The following PODNL1 variants were observed in gnomAD, a reference collection of about 807,000 sequenced individuals.
PODNL1 encodes podocan like 1.
Under a neutral mutation model 45.1 loss-of-function variants are expected in PODNL1, and 50 were observed. That is an observed-to-expected ratio of 1.11 (90% CI 0.88 to 1.40). The LOEUF is 1.40. PODNL1 is among the 40% of genes most tolerant of loss of function. The pLI, the probability that PODNL1 is intolerant of heterozygous loss-of-function variation, is 0.00. For synonymous variants in PODNL1, 406 were observed against 372.5 expected, an observed-to-expected ratio of 1.09 and a Z score of -1.04; for missense variants, 788 against 793.3, an observed-to-expected ratio of 0.99 and a Z score of 0.08.
At chr19:13,936,491 C>T (rs368723860) in intron 2 of PODNL1, 31 bp from the exon 3 acceptor site, 40 of 1,552,204 alleles carry the variant, frequency 2.6e-5, no homozygotes, top group African/African-American at 1.1e-4. Context: ...TGTTCACACC[C>T]GTGACCCCGT....
At position 13,935,844 on chromosome 19, in the gene PODNL1, G is replaced by T. The variant is rs779982571; in HGVS notation, c.385-14C>A. On this transcript the variant is annotated splice_polypyrimidine_tract_variant and intron_variant, in intron 4 of 9. Transcript: ENST00000588872. ...GGCCACTGAGAGCTGTGGGGACACAGCCCACAGCCGGACTGGTCCTGGTGC... is the reference window on the plus strand; with the variant it reads ...GGCCACTGAGAGCTGTGGGGACACATCCCACAGCCGGACTGGTCCTGGTGC... The T allele has an allele frequency of 8.2e-6, 13 of 1,594,820 alleles. No homozygotes were observed. The highest frequency in any genetic ancestry group is 1.1e-5 in the Non-Finnish European group (13 of 1,170,502).
chr19:13,937,537 A>G (rs1238058077), intron 2 of PODNL1, among the ~76,000 whole-genome samples: 1 of 151,810 alleles, frequency 6.6e-6, no homozygotes, highest in East Asian at 2.0e-4. Context: ...AACCGCCAAG[A>G]TGTTGACCCT....
rs1288014545 is a variant in PODNL1 at position 13,933,005 on chromosome 19, G to A, written c.1218C>T (p.Leu406=). The A allele has an allele frequency of 4.5e-6, 7 of 1,543,536 alleles. No individual in the cohort carries two copies. Among genetic ancestry groups the A allele is most frequent in the Admixed American group, 3.9e-5 (2 of 51,498 alleles). ...AFRRLRALRS[L]DLAGNQLTRL... ...GGGTTAGCTGATTCCCTGCCAGGTC[G>A]AGGCTGCGCAGGGCACGCAACCGGC... is the stretch of plus-strand genomic sequence containing the variant. Residue 406 remains leucine, a synonymous_variant, in exon 8 of 10, where the codon CTC becomes CTT. Transcript: ENST00000588872. This position sits in a 1 kb window ranked among gnomAD's most constrained non-coding sequence, Gnocchi z 5.2.
chr19:13,939,957 C>T (rs1234358103), upstream of PODNL1: 4 of 152,114 alleles, frequency 2.6e-5, no homozygotes, highest in African/African-American at 9.7e-5. Context: ...AGGAGGAACA[C>T]TTGAGCCTCT....
chr19:13,950,959 CGTTT>C (rs1398974974), intron 1 of PODNL1, among the ~76,000 whole-genome samples: 1 of 147,694 alleles, frequency 6.8e-6, no homozygotes, highest in African/African-American at 2.5e-5. Context: ...GCAGGAGAAT[CGTTT>C]GCTTGAACCC....
At chr19:13,934,949 T>C (rs1972239223) in intron 5 of PODNL1, among the ~76,000 whole-genome samples, 1 of 151,814 alleles carries the variant, frequency 6.6e-6, no homozygotes, top group African/African-American at 2.4e-5. Flanking sequence ...ATTGTGTACA[T>C]ATGTGCATGT....
intron 1 of PODNL1, among the ~76,000 whole-genome samples, chr19:13,944,742 A>T (rs1304135824): frequency 6.6e-6 from 1 of 150,626 alleles, no homozygotes; most frequent in Non-Finnish European, 1.5e-5. Context: ...GATGTGAGCC[A>T]CTACTCCTGG....
At chr19:13,949,845 C>T (rs1288866970) in intron 1 of PODNL1, among the ~76,000 whole-genome samples, 1 of 151,498 alleles carries the variant, frequency 6.6e-6, no homozygotes, top group Non-Finnish European at 1.5e-5. Flanking sequence ...AGGTTCACGC[C>T]ACCACACTCC....
At chr19:13,936,200 A>G (rs1295899974) in intron 3 of PODNL1, among the ~76,000 whole-genome samples, 156 bp from the exon 4 acceptor site, 1 of 151,974 alleles carries the variant, frequency 6.6e-6, no homozygotes, top group African/African-American at 2.4e-5. Context: ...CAAAAGCCAC[A>G]GCCCCCAACC....
In PODNL1 at chr19:13,934,272, G is replaced by T. The variant is rs753390515; in HGVS notation, c.633C>A (p.Leu211=). The T allele has an allele frequency of 1.3e-6, 2 of 1,517,802 alleles. No homozygotes were observed. The highest frequency in any genetic ancestry group is 1.8e-6 in the Non-Finnish European group (2 of 1,135,200). 94.0% of individuals were successfully genotyped at this position (1,517,802 alleles called of 1,614,324 possible). A position where few individuals can be genotyped will look rare whatever the true frequency, so the allele number is the denominator to read the frequency against. The change falls in exon 6 of 10, where the codon CTC becomes CTA. Residue 211 remains leucine (L), a synonymous_variant. Transcript: ENST00000588872. The part of the protein sequence containing the change: ...SYLPPSLPPS[L]ERLHLQNNLI... ...GGGCTACCTGCAGGTGGAGCCGCTCGAGTGAGGGCGGCAGGCTGGGCGGCA... is the reference window on the plus strand; with the variant it reads ...GGGCTACCTGCAGGTGGAGCCGCTCTAGTGAGGGCGGCAGGCTGGGCGGCA...
Position 13,938,002 on chromosome 19 carries a change from G to T in PODNL1, c.8C>A (p.Pro3Gln). 6 of 1,525,936 alleles carry T rather than the reference G, an allele frequency of 3.9e-6. No individual in the cohort carries two copies. Among genetic ancestry groups the T allele is most frequent in the Non-Finnish European group, 5.3e-6 (6 of 1,130,622 alleles). The allele number at this position is 1,525,936 out of a possible 1,614,324, so 94.5% of individuals were successfully genotyped here. The change falls in exon 2 of 10, where the codon CCG (proline) becomes CAG (glutamine). Residue 3 changes from proline (P) to glutamine (Q), a missense_variant. Physicochemically the swap from Pro to Gln is moderately conservative, Grantham distance 76. This residue lies in a region of PODNL1 where 762 missense variants were observed against 750.9 expected (regional missense o/e 1.01). Transcript: ENST00000588872. MW[P>Q]SLLLLLLLPG... ...CAACAGCAGGAGCAGCAGCAGGCTC[G>T]GCCACTGCGGGGGAGGGAGGGTCAG...
In PODNL1 at chr19:13,937,941, A is replaced by C. The variant is rs1392000515; in HGVS notation, c.69T>G (p.Ala23=). ...AGCTCTCCCCCAGGTGGGGGAAGGCAGCGTCTTCCAAGCCGGCGACGGGCG... is the reference window on the plus strand; with the variant it reads ...AGCTCTCCCCCAGGTGGGGGAAGGCCGCGTCTTCCAAGCCGGCGACGGGCG... ...GPPPVAGLED[A]AFPHLGESLQ... Residue 23 remains alanine (A), a synonymous_variant, in exon 2 of 10, where the codon GCT becomes GCG. Coordinates refer to ENST00000588872, the MANE Select transcript of PODNL1 (RefSeq NM_001370095.3). The C allele has an allele frequency of 1.9e-5, 29 of 1,548,274 alleles. No individual in the cohort carries two copies. The highest frequency in any genetic ancestry group is 2.5e-5 in the Non-Finnish European group (29 of 1,144,674).
Position 13,934,311 on chromosome 19 carries a change from G to C in PODNL1, c.594C>G (p.Asn198Lys). Residue 198 changes from asparagine (N) to lysine (K), a missense_variant, in exon 6 of 10, where the codon AAC (asparagine) becomes AAG (lysine). Transcript: ENST00000588872. ...EAIATLSLSNNQLSYLPPSLP... is the reference protein window; with the variant it reads ...EAIATLSLSNKQLSYLPPSLP... ...GGCTGGGCGGCAGGTAGCTGAGCTG[G>C]TTGTTGGAGAGGCTGAGGGTGGCGA... 6.4e-7 allele frequency: 1 copy of C among 1,550,844 alleles called. No individual in the cohort carries two copies. The highest frequency in any genetic ancestry group is 1.4e-5 in the African/African-American group (1 of 73,776).
At chr19:13,948,712 C>A (rs1426713047) in intron 1 of PODNL1, among the ~76,000 whole-genome samples, 2 of 138,938 alleles carry the variant, frequency 1.4e-5, no homozygotes, top group African/African-American at 2.7e-5. Context: ...GGGAGGATCA[C>A]GAGGTCAGGA....
chr19:13,933,310 C>G lies in PODNL1; in HGVS notation c.913G>C (p.Gly305Arg). 2 of 1,591,392 alleles carry G rather than the reference C, an allele frequency of 1.3e-6. No individual in the cohort carries two copies. Among genetic ancestry groups the G allele is most frequent in the Non-Finnish European group, 1.7e-6 (2 of 1,173,482 alleles). The change falls in exon 8 of 10, where the codon GGT becomes CGT. Residue 305 changes from glycine (G) to arginine (R), a missense_variant. Gly to Arg is a moderately radical substitution (Grantham distance 125, BLOSUM62 -2). Around this residue, in one of 3 missense-constraint regions of PODNL1, gnomAD observed 762 missense variants for 750.9 expected, o/e 1.01. Coordinates refer to ENST00000588872, the MANE Select transcript of PODNL1 (RefSeq NM_001370095.3). The surrounding 1 kb of genome is among the most constrained non-coding windows in gnomAD (Gnocchi z 5.2). ...VEAARLHGARGLRYLLLQHNQ... is the reference protein window; with the variant it reads ...VEAARLHGARRLRYLLLQHNQ... ...TGCTGCAGCAACAAATAGCGCAGAC[C>G]ACGCGCCCCGTGCAGCCGAGCCGCC...
chr19:13,936,470 G>A lies in PODNL1; in HGVS notation c.226-10C>T. ...CCTGGAGCTGGTTGTTCTGCAGGGTGAGAGTTGGGGTGTTCACACCCGTGA... is the reference window on the plus strand; with the variant it reads ...CCTGGAGCTGGTTGTTCTGCAGGGTAAGAGTTGGGGTGTTCACACCCGTGA... On this transcript the variant is annotated splice_polypyrimidine_tract_variant and intron_variant, in intron 2 of 9. Transcript: ENST00000588872. 2 of 1,606,996 alleles carry A rather than the reference G, an allele frequency of 1.2e-6. No homozygotes were observed. Among genetic ancestry groups the A allele is most frequent in the Non-Finnish European group, 1.7e-6 (2 of 1,173,994 alleles).
upstream of PODNL1, among the ~76,000 whole-genome samples, chr19:13,940,866 G>A (rs1972634841): frequency 1.3e-5 from 2 of 150,896 alleles, no homozygotes; most frequent in Non-Finnish European, 1.5e-5. Context: ...TCTGGGCTAT[G>A]GTGCGAGACT....
intron 1 of PODNL1, chr19:13,952,389 G>T (rs1459190398): frequency 1.0e-5 from 12 of 1,183,536 alleles, no homozygotes; most frequent in South Asian, 4.2e-5. Context: ...TGATGGACAG[G>T]CATAGCGCGA....
intron 1 of PODNL1, among the ~76,000 whole-genome samples, chr19:13,947,090 T>A (rs1255088025): frequency 7.2e-6 from 1 of 138,238 alleles, no homozygotes; most frequent in South Asian, 2.3e-4. Context: ...TTTATAATAA[T>A]TGTTGTAGGC....
Sources: allele counts gnomAD v4.1 joint callset (sites outside exome capture counted in the v4.1 genomes callset), GRCh38; gene constraint gnomAD v4.1.1; regional missense constraint gnomAD v4.1.1; non-coding constraint Gnocchi (gnomAD v3.1); transcripts MANE v1.5; gene names NCBI Gene and HGNC (gene_info 2026-07-23, HGNC 2026-07-21).